Variants in TNIK observed in about 807,000 individuals in gnomAD.
TNIK encodes TRAF2 and NCK interacting kinase, also known as TRAF2 and NCK-interacting protein kinase.
A neutral mutation model predicts 191.3 loss-of-function variants in TNIK; 49 were observed. The ratio of observed to expected loss-of-function variants is 0.26; its 90% confidence interval spans 0.20 to 0.32. TNIK has a LOEUF of 0.32. TNIK is among the 10% of genes least tolerant of loss of function. TNIK has a pLI of 1.00. For missense variants in TNIK, 1,155 were observed against 1,702.3 expected (o/e 0.68, Z 5.66); for synonymous variants, 594 against 600.9 (o/e 0.99, Z 0.17).
intron 2 of TNIK, among the ~76,000 whole-genome samples, chr3:171,363,302 A>G (rs1230648224): frequency 6.6e-6 from 1 of 152,226 alleles, no homozygotes; most frequent in African/African-American, 2.4e-5. Context: ...CATAACCACC[A>G]TGAGGAATAA....
intron 1 of TNIK, among the ~76,000 whole-genome samples, chr3:171,370,450 T>C (rs1420948612): frequency 6.6e-6 from 1 of 152,156 alleles, no homozygotes. Flanking sequence ...TGAATTACTA[T>C]CCCAAAAAGT....
intron 14 of TNIK, 92 bp downstream of exon 14, chr3:171,139,378 G>GCACACACACACACACACACA (rs34521732): frequency 1.5e-4 from 104 of 692,958 alleles, no homozygotes; most frequent in South Asian, 4.4e-4. Flanking sequence ...ACGCACGCGC[G>GCACACACACACACACACACA]CACACACACA....
At chr3:171,070,461 A>G (rs71306691) in intron 29 of TNIK, among the ~76,000 whole-genome samples, 1 of 152,036 alleles carries the variant, frequency 6.6e-6, no homozygotes, top group African/African-American at 2.4e-5. Context: ...AGAGAGAGAG[A>G]CAGAGAGAGA....
intron 2 of TNIK, among the ~76,000 whole-genome samples, chr3:171,239,683 C>A (rs968775923): frequency 1.4e-4 from 22 of 152,330 alleles, no homozygotes; most frequent in African/African-American, 5.1e-4. Flanking sequence ...TGAGCAAAGA[C>A]CTGCATATTA....
intron 23 of TNIK, 71 bp from the exon 24 acceptor site, chr3:171,087,577 C>T (rs919646869): frequency 1.3e-5 from 20 of 1,560,022 alleles, no homozygotes; most frequent in East Asian, 2.3e-5. Context: ...TCAGCCCTCA[C>T]ACAGCATAGG....
intron 3 of TNIK, among the ~76,000 whole-genome samples, chr3:171,227,481 A>G (rs1395908451): frequency 6.6e-6 from 1 of 152,160 alleles, no homozygotes; most frequent in Admixed American, 6.5e-5. Context: ...TAATCTCAGT[A>G]TTATTCATTT....
intron 4 of TNIK, among the ~76,000 whole-genome samples, chr3:171,201,166 G>A (rs1344127395): frequency 3.3e-5 from 5 of 152,176 alleles, no homozygotes; most frequent in African/African-American, 7.2e-5. Context: ...TTGGGAGGCC[G>A]AGGTGGGCAG....
intron 2 of TNIK, among the ~76,000 whole-genome samples, chr3:171,313,813 T>A (rs1204378584): frequency 6.6e-6 from 1 of 152,112 alleles, no homozygotes; most frequent in Non-Finnish European, 1.5e-5. Context: ...TAGTGCTAAA[T>A]GAATGACTTA....
chr3:171,160,113 C>T (rs901829430), intron 11 of TNIK, among the ~76,000 whole-genome samples: 2 of 152,198 alleles, frequency 1.3e-5, no homozygotes, highest in African/African-American at 4.8e-5. Context: ...TTTTCTATGT[C>T]ACTACTTGGC....
At chr3:171,115,183 C>A (rs898517227) in intron 18 of TNIK, among the ~76,000 whole-genome samples, 6 of 152,144 alleles carry the variant, frequency 3.9e-5, no homozygotes, top group Non-Finnish European at 8.8e-5. Context: ...AATAAAAAAT[C>A]TCTTGAGAGG....
At chr3:171,064,060 G>T in intron 32 of TNIK, 96 bp from the exon 33 acceptor site, 3 of 1,170,648 alleles carry the variant, frequency 2.6e-6, no homozygotes, top group Non-Finnish European at 3.7e-6. Context: ...TCCTATCCTT[G>T]CCATGTGTCA....
At chr3:171,383,206 A>C (rs1718288961) in intron 1 of TNIK, among the ~76,000 whole-genome samples, 2 of 152,176 alleles carry the variant, frequency 1.3e-5, no homozygotes. Flanking sequence ...GCAAGGAAAG[A>C]CCAGAATTTT....
At chr3:171,422,681 C>T (rs1723986987) in intron 1 of TNIK, among the ~76,000 whole-genome samples, 1 of 152,212 alleles carries the variant, frequency 6.6e-6, no homozygotes, top group South Asian at 2.1e-4. Flanking sequence ...CCATGGGACC[C>T]TAAGTTAGCC....
intron 1 of TNIK, among the ~76,000 whole-genome samples, chr3:171,406,148 G>A (rs561931666): frequency 1.9e-3 from 227 of 122,514 alleles, no homozygotes; most frequent in African/African-American, 7.6e-3. Context: ...AATGATCAAA[G>A]AAGAGCTAGA....
intron 2 of TNIK, among the ~76,000 whole-genome samples, chr3:171,285,809 G>T (rs998765056): frequency 6.6e-6 from 1 of 152,036 alleles, no homozygotes; most frequent in Admixed American, 6.6e-5. Flanking sequence ...CTGCCATCTC[G>T]CCACAGAACA....
In TNIK at chr3:171,059,554, A is replaced by G. The variant is rs1717643358; in HGVS notation, c.*4327T>C. Among the ~76,000 whole-genome samples the G allele has an allele frequency of 6.6e-6, 1 of 152,190 alleles. No individual in the cohort carries two copies. The highest frequency in any genetic ancestry group is 1.5e-5 in the Non-Finnish European group (1 of 68,020). On this transcript the variant is annotated 3_prime_UTR_variant, in exon 33 of 33. Coordinates refer to ENST00000436636, the MANE Select transcript of TNIK (RefSeq NM_015028.4). ...GGAATATACAAATTGTCAGTTTTGA[A>G]CTTGCAAATTCTCAAGAGGTTTTCT...
chr3:171,124,181 A>G (rs1177125908), intron 17 of TNIK, among the ~76,000 whole-genome samples: 1 of 152,256 alleles, frequency 6.6e-6, no homozygotes, highest in Non-Finnish European at 1.5e-5. Context: ...GAATATCAGG[A>G]TAGAGCTTAA....
At position 171,342,447 on chromosome 3, in the gene TNIK, A is replaced by T. The variant is rs117468076; in HGVS notation, c.123+27173T>A. 6.6e-5 allele frequency among the ~76,000 whole-genome samples: 10 copies of T among 152,276 alleles called. No homozygotes were observed. The East Asian group carries it at 1.9e-3, about 29-fold the overall frequency. On this transcript the variant is annotated intron_variant, in intron 2 of 32. Transcript: ENST00000436636. ...CAGAAAGGCTTTGCTTGTTGCAATCACTCAGAAATCATCACTCTCAAGCAC... is the reference window on the plus strand; with the variant it reads ...CAGAAAGGCTTTGCTTGTTGCAATCTCTCAGAAATCATCACTCTCAAGCAC...
chr3:171,280,203 C>T (rs944364302), intron 2 of TNIK, among the ~76,000 whole-genome samples: 4 of 152,224 alleles, frequency 2.6e-5, no homozygotes, highest in African/African-American at 7.2e-5. Context: ...CATCTCTTGG[C>T]ATGGCCTTAA....
Sources: gnomAD v4.1 joint callset for allele counts (sites outside exome capture counted in the v4.1 genomes callset) on GRCh38, gnomAD v4.1.1 for gene constraint, MANE v1.5 for transcripts, NCBI Gene and HGNC (gene_info 2026-07-23, HGNC 2026-07-21) for gene names.